Variants in LAMA2 observed in about 807,000 individuals in gnomAD.
LAMA2 encodes the protein laminin subunit alpha 2.
Under a neutral mutation model 364.8 loss-of-function variants are expected in LAMA2, and 269 were observed. The observed-to-expected ratio is 0.74, with a 90% CI of 0.67 to 0.82. LAMA2 has a LOEUF of 0.82. Among genes scored for constraint, LAMA2 ranks in the 40% least tolerant of loss-of-function variants. The pLI, the probability that LAMA2 is intolerant of heterozygous loss-of-function variation, is 0.00. For missense variants in LAMA2, 3,807 were observed against 3,873.2 expected (o/e 0.98, Z 0.45); for synonymous variants, 1,379 against 1,370.6 (o/e 1.01, Z -0.14).
At chr6:129,246,461 C>G (rs532654225) in intron 12 of LAMA2, among the ~76,000 whole-genome samples, 1 of 152,110 alleles carries the variant, frequency 6.6e-6, no homozygotes, top group Non-Finnish European at 1.5e-5. Context: ...TTCCACTGTG[C>G]CTTTGTGAGT....
intron 12 of LAMA2, among the ~76,000 whole-genome samples, chr6:129,234,109 G>A (rs1433218325): frequency 6.6e-6 from 1 of 152,088 alleles, no homozygotes; most frequent in Non-Finnish European, 1.5e-5. Context: ...TGGGAGGCCG[G>A]AACAAATTTG....
chr6:129,238,156 G>T (rs1220340855), intron 12 of LAMA2, among the ~76,000 whole-genome samples: 1 of 148,928 alleles, frequency 6.7e-6, no homozygotes, highest in Admixed American at 6.7e-5. Flanking sequence ...CTGGGCAACA[G>T]AGCAAGACTC....
At position 129,280,091 on chromosome 6, in the gene LAMA2, T is replaced by A; in HGVS notation, c.2481T>A (p.Ser827Arg). ...GCCCAACGTGCCATTTAGACCGGAG[T>A]CTTGGATTGATCTGTGATGGATGCC... ...NFSPTCHLDRSLGLICDGCPV... is the reference protein window; with the variant it reads ...NFSPTCHLDRRLGLICDGCPV... The change falls in exon 18 of 65, where the codon AGT (serine) becomes AGA (arginine). Residue 827 changes from serine (S) to arginine (R), a missense_variant. Ser to Arg is a moderately radical substitution (Grantham distance 110, BLOSUM62 -1). Coordinates refer to ENST00000421865, the MANE Select transcript of LAMA2 (RefSeq NM_000426.4). 1.9e-6 allele frequency: 3 copies of A among 1,613,366 alleles called. No individual in the cohort carries two copies. The highest frequency in any genetic ancestry group is 2.5e-6 in the Non-Finnish European group (3 of 1,179,594).
At chr6:128,959,506 A>G (rs1471295824) in intron 1 of LAMA2, among the ~76,000 whole-genome samples, 1 of 152,110 alleles carries the variant, frequency 6.6e-6, no homozygotes, top group Admixed American at 6.6e-5. Flanking sequence ...TATGAACCCC[A>G]GGGTCTTTAC....
chr6:129,218,481 G>A (rs1269333685), intron 12 of LAMA2, among the ~76,000 whole-genome samples: 1 of 152,030 alleles, frequency 6.6e-6, no homozygotes. Context: ...AAATTCTGAG[G>A]GGAAAATGTA....
chr6:129,515,931 A>C (rs1787027686), intron 64 of LAMA2, among the ~76,000 whole-genome samples: 1 of 152,028 alleles, frequency 6.6e-6, no homozygotes, highest in Non-Finnish European at 1.5e-5. Context: ...GCTTGAGCCC[A>C]GGAGGTTGAG....
At chr6:129,474,176 A>G (rs1039948011) in intron 52 of LAMA2, among the ~76,000 whole-genome samples, 8 of 152,240 alleles carry the variant, frequency 5.3e-5, no homozygotes, top group African/African-American at 7.2e-5. Flanking sequence ...AGTTCTGTCC[A>G]GGTGTTTCTA....
chr6:129,176,252 C>T (rs1460519408), intron 9 of LAMA2, among the ~76,000 whole-genome samples: 1 of 151,834 alleles, frequency 6.6e-6, no homozygotes, highest in Non-Finnish European at 1.5e-5. Context: ...GCATAAAATT[C>T]TCTCATCATG....
chr6:129,460,407 T>TCCACATGATAATA, intron 49 of LAMA2, 83 bp downstream of exon 49: 1 of 1,317,606 alleles, frequency 7.6e-7, no homozygotes, highest in Non-Finnish European at 1.1e-6. Flanking sequence ...TCTATTATCA[T>TCCACATGATAATA]GTGGATGATG....
intron 4 of LAMA2, among the ~76,000 whole-genome samples, chr6:129,140,513 G>GA (rs1185295746): frequency 6.6e-6 from 1 of 152,030 alleles, no homozygotes; most frequent in Non-Finnish European, 1.5e-5. Flanking sequence ...AACCACTTTG[G>GA]AAGACACTAG....
Position 129,330,591 on chromosome 6 carries a change from G to GTTTTTTTTTTTTTTTTTTTTTTTTT in LAMA2, c.4311+2179_4311+2180insTTTTTTTTTTTTTTTTTTTTTTTTT, listed in dbSNP as rs1491387157. ...TTGAAGCGTTTTTTTGTTGTTGTTT[G>GTTTTTTTTTTTTTTTTTTTTTTTTT]GTTTTTGTTTTTTTTTTTTTTTTTC... On this transcript the variant is annotated intron_variant, in intron 29 of 64. Transcript: ENST00000421865. 4.8e-5 allele frequency among the ~76,000 whole-genome samples: 4 copies of GTTTTTTTTTTTTTTTTTTTTTTTTT among 83,788 alleles called. 1 individual carries two copies. The highest frequency in any genetic ancestry group is 4.7e-4 in the East Asian group (1 of 2,150). The allele number at this position is 83,788 out of a possible 152,430, so 55.0% of individuals were successfully genotyped here.
At chr6:129,232,515 T>C (rs1213722776) in intron 12 of LAMA2, among the ~76,000 whole-genome samples, 1 of 152,110 alleles carries the variant, frequency 6.6e-6, no homozygotes, top group Non-Finnish European at 1.5e-5. Flanking sequence ...TTTTTCTCCA[T>C]ATTTACCTTC....
chr6:129,017,879 C>T (rs1286014701), intron 1 of LAMA2, among the ~76,000 whole-genome samples: 1 of 151,884 alleles, frequency 6.6e-6, no homozygotes, highest in South Asian at 2.1e-4. Context: ...TTTAAGTTAG[C>T]ATCAAGGGTA....
intron 22 of LAMA2, among the ~76,000 whole-genome samples, chr6:129,302,663 G>C (rs1481881881): frequency 6.6e-6 from 1 of 151,952 alleles, no homozygotes; most frequent in Non-Finnish European, 1.5e-5. Context: ...TCAGGTAATG[G>C]TCAGAGCTCA....
At chr6:128,937,776 A>T (rs901775118) in intron 1 of LAMA2, among the ~76,000 whole-genome samples, 2 of 151,724 alleles carry the variant, frequency 1.3e-5, no homozygotes, top group Non-Finnish European at 2.9e-5. Flanking sequence ...CTTTCTAGTC[A>T]CAATTTCATT....
chr6:128,945,559 C>T (rs1393722774), intron 1 of LAMA2, among the ~76,000 whole-genome samples: 2 of 152,182 alleles, frequency 1.3e-5, no homozygotes, highest in Non-Finnish European at 2.9e-5. Context: ...GATTAATTTT[C>T]ACAGAATAAA....
At chr6:129,115,486 G>T (rs1776425056) in intron 4 of LAMA2, among the ~76,000 whole-genome samples, 1 of 152,072 alleles carries the variant, frequency 6.6e-6, no homozygotes, top group African/African-American at 2.4e-5. Context: ...TTTCCCAGCT[G>T]CTGTTTATTC....
At chr6:129,468,026 G>T (rs1000384624) in intron 51 of LAMA2, among the ~76,000 whole-genome samples, 1 of 151,792 alleles carries the variant, frequency 6.6e-6, no homozygotes, top group African/African-American at 2.4e-5. Flanking sequence ...CTTTGACACA[G>T]TTGGCTGATA....
intron 12 of LAMA2, among the ~76,000 whole-genome samples, chr6:129,225,290 G>A (rs1248322493): frequency 6.6e-6 from 1 of 152,002 alleles, no homozygotes; most frequent in Non-Finnish European, 1.5e-5. Context: ...ATCATCTCCT[G>A]GATTCACTGA....
Sources: gnomAD v4.1 joint callset for allele counts (sites outside exome capture counted in the v4.1 genomes callset) on GRCh38, gnomAD v4.1.1 for gene constraint, MANE v1.5 for transcripts, NCBI Gene and HGNC (gene_info 2026-07-23, HGNC 2026-07-21) for gene names.